The following KIRREL3 variants were observed in gnomAD, a reference collection of about 807,000 sequenced individuals.
KIRREL3 encodes the protein kin of IRRE-like protein 3.
KIRREL3 carries 36 observed loss-of-function variants against 89.7 expected under a neutral mutation model. That is an observed-to-expected ratio of 0.40 (90% CI 0.31 to 0.53). KIRREL3 has a LOEUF of 0.53. Among genes scored for constraint, KIRREL3 ranks in the 20% least tolerant of loss-of-function variants. The pLI, the probability that KIRREL3 is intolerant of heterozygous loss-of-function variation, is 0.49. For synonymous variants in KIRREL3, 445 were observed against 441.4 expected (o/e 1.01, Z -0.10); for missense variants, 864 against 1,056.6 (o/e 0.82, Z 2.53).
chr11:126,832,742 T>C (rs1305777376), intron 1 of KIRREL3, among the ~76,000 whole-genome samples: 1 of 152,212 alleles, frequency 6.6e-6, no homozygotes, highest in African/African-American at 2.4e-5. Context: ...AAAGGGTCAG[T>C]GTGGCTCAGG....
At chr11:126,435,690 C>G (rs943282653) in intron 12 of KIRREL3, among the ~76,000 whole-genome samples, 2 of 152,158 alleles carry the variant, frequency 1.3e-5, no homozygotes, top group Non-Finnish European at 2.9e-5. Flanking sequence ...CAAAGCAGCA[C>G]CTATTAGGGA....
chr11:126,815,597 G>A (rs1592166728), intron 1 of KIRREL3, among the ~76,000 whole-genome samples: 1 of 152,080 alleles, frequency 6.6e-6, no homozygotes, highest in Non-Finnish European at 1.5e-5. Context: ...GCAGTGGCGC[G>A]ATCTCGGCTC....
At chr11:126,690,096 CGTCA>C (rs1565652394) in intron 1 of KIRREL3, among the ~76,000 whole-genome samples, 1 of 152,176 alleles carries the variant, frequency 6.6e-6, no homozygotes, top group African/African-American at 2.4e-5. Context: ...GTTTTCCCAG[CGTCA>C]GTCTCTCAAC....
chr11:126,753,434 A>G (rs1949400681), intron 1 of KIRREL3, among the ~76,000 whole-genome samples: 2 of 152,228 alleles, frequency 1.3e-5, no homozygotes, highest in South Asian at 4.1e-4. Context: ...CTTAGGAAAA[A>G]ACAACAAGCA....
intron 1 of KIRREL3, among the ~76,000 whole-genome samples, chr11:126,599,858 G>A (rs1942572749): frequency 6.6e-6 from 1 of 152,136 alleles, no homozygotes. Flanking sequence ...CTAGCATCAG[G>A]GGACTTAACT....
intron 1 of KIRREL3, among the ~76,000 whole-genome samples, chr11:126,847,970 C>T (rs2134550543): frequency 6.6e-6 from 1 of 152,296 alleles, no homozygotes; most frequent in East Asian, 1.9e-4. Flanking sequence ...GGTGTGCTTT[C>T]TTTAAGGAAT....
intron 6 of KIRREL3, among the ~76,000 whole-genome samples, chr11:126,458,484 G>C (rs1956445561): frequency 6.6e-6 from 1 of 152,134 alleles, no homozygotes; most frequent in African/African-American, 2.4e-5. Context: ...TCACATAACT[G>C]CTCAGCTGCC....
chr11:126,469,334 C>T (rs556858728), intron 5 of KIRREL3, among the ~76,000 whole-genome samples: 1 of 152,328 alleles, frequency 6.6e-6, no homozygotes, highest in South Asian at 2.1e-4. Flanking sequence ...GTGTGTGCTC[C>T]CAGCTTCTCT....
In KIRREL3 at chr11:126,628,805, C is replaced by T. The variant is rs533560798; in HGVS notation, c.56-65893G>A. On this transcript the variant is annotated intron_variant, in intron 1 of 16. Transcript: ENST00000525144. The surrounding 1 kb of genome is among the most constrained non-coding windows in gnomAD (Gnocchi z 5.2). ...GAGCCAGGGCCTCGCCTCTACTGCC[C>T]CCTCCGCTCGCTCTGCCTGTGCAGG... Among the ~76,000 whole-genome samples the T allele has an allele frequency of 6.6e-6, 1 of 152,314 alleles. No homozygotes were observed. Among genetic ancestry groups the T allele is most frequent in the South Asian group, 2.1e-4 (1 of 4,832 alleles).
At position 126,750,175 on chromosome 11, in the gene KIRREL3, G is replaced by A. The variant is rs1193112207; in HGVS notation, c.56-187263C>T. ...ACAATCATTGCTACTGAGTCACAGA[G>A]CAGTGAAGCCACCTGCCCAAAGCCA... On this transcript the variant is annotated intron_variant, in intron 1 of 16. Transcript: ENST00000525144. This position sits in a 1 kb window ranked among gnomAD's most constrained non-coding sequence, Gnocchi z 4.2. Among the ~76,000 whole-genome samples the A allele has an allele frequency of 6.6e-6, 1 of 152,224 alleles. No homozygotes were observed. The highest frequency in any genetic ancestry group is 1.9e-4 in the East Asian group (1 of 5,200).
At chr11:126,825,872 T>C (rs1196772804) in intron 1 of KIRREL3, among the ~76,000 whole-genome samples, 1 of 152,202 alleles carries the variant, frequency 6.6e-6, no homozygotes, top group East Asian at 1.9e-4. Flanking sequence ...GCCGAGTTGA[T>C]ACGTTAATCA....
Position 126,802,700 on chromosome 11 carries a change from T to A in KIRREL3, c.55+197755A>T, listed in dbSNP as rs557359069. Among the ~76,000 whole-genome samples the A allele has an allele frequency of 6.6e-6, 1 of 152,362 alleles. No homozygotes were observed. The highest frequency in any genetic ancestry group is 1.9e-4 in the East Asian group (1 of 5,174). ...TGGGCACTGCAACCCTGAATTGGAATAACTGGATAAGTAATTATCCTACTC... is the reference window on the plus strand; with the variant it reads ...TGGGCACTGCAACCCTGAATTGGAAAAACTGGATAAGTAATTATCCTACTC... On this transcript the variant is annotated intron_variant, in intron 1 of 16. Coordinates refer to ENST00000525144, the MANE Select transcript of KIRREL3 (RefSeq NM_032531.4). The surrounding 1 kb of genome is among the most constrained non-coding windows in gnomAD (Gnocchi z 5.2).
chr11:126,947,558 C>T (rs1948653517), intron 1 of KIRREL3, among the ~76,000 whole-genome samples: 1 of 152,126 alleles, frequency 6.6e-6, no homozygotes, highest in Non-Finnish European at 1.5e-5. Flanking sequence ...AGGAAAAGGA[C>T]GAATAGTAAC....
At position 126,429,236 on chromosome 11, in the gene KIRREL3, G is replaced by C; in HGVS notation, c.1749C>G (p.His583Gln). ...CCTCCCGACCAGAGGCTGGTTCCTT[G>C]TGGACAATTTCCACTCGGATATCAT... ...AKNDIRVEIV[H>Q]KEPASGREGE... The change falls in exon 15 of 17, where the codon CAC becomes CAG. Residue 583 changes from histidine to glutamine, a missense_variant. Coordinates refer to ENST00000525144, the MANE Select transcript of KIRREL3 (RefSeq NM_032531.4). This position sits in a 1 kb window ranked among gnomAD's most constrained non-coding sequence, Gnocchi z 5.2. 1.2e-6 allele frequency: 2 copies of C among 1,613,960 alleles called. No homozygotes were observed. The highest frequency in any genetic ancestry group is 1.7e-6 in the Non-Finnish European group (2 of 1,179,852).
At chr11:126,585,513 C>T (rs950050799) in intron 1 of KIRREL3, among the ~76,000 whole-genome samples, 1 of 152,214 alleles carries the variant, frequency 6.6e-6, no homozygotes, top group Non-Finnish European at 1.5e-5. Flanking sequence ...GAATCACAGG[C>T]ATGAGCCACC....
In KIRREL3 at chr11:126,531,479, C is replaced by T. The variant is rs1422462725; in HGVS notation, c.134-4792G>A. The stretch of plus-strand genomic sequence containing the variant: ...CTTCCTGGGAGCTCCACAGCACCCC[C>T]GTGCTGGCTAGTCACTAAGGTCACC... On this transcript the variant is annotated intron_variant, in intron 2 of 16. Transcript: ENST00000525144. This position sits in a 1 kb window ranked among gnomAD's most constrained non-coding sequence, Gnocchi z 4.7. Among the ~76,000 whole-genome samples the T allele has an allele frequency of 3.3e-5, 5 of 152,048 alleles. No individual in the cohort carries two copies. Among genetic ancestry groups the T allele is most frequent in the Non-Finnish European group, 1.5e-5 (1 of 68,004 alleles).
rs1948547433 is a variant in KIRREL3, at chr11:126,729,960, A to G, written c.56-167048T>C. 6.6e-6 allele frequency among the ~76,000 whole-genome samples: 1 copy of G among 151,998 alleles called. No individual in the cohort carries two copies. The highest frequency in any genetic ancestry group is 2.4e-5 in the African/African-American group (1 of 41,326). ...CATTTCTGTGACATTTGGCTCTGTGACGGCTTCCTTCTTCAGGAAACTCTT... is the reference window on the plus strand; with the variant it reads ...CATTTCTGTGACATTTGGCTCTGTGGCGGCTTCCTTCTTCAGGAAACTCTT... On this transcript the variant is annotated intron_variant, in intron 1 of 16. Coordinates refer to ENST00000525144, the MANE Select transcript of KIRREL3 (RefSeq NM_032531.4). This position sits in a 1 kb window ranked among gnomAD's most constrained non-coding sequence, Gnocchi z 4.5.
rs1956263686 is a variant in KIRREL3 at position 126,454,089 on chromosome 11, C to T, written c.848+2260G>A. On this transcript the variant is annotated intron_variant, in intron 7 of 16. Transcript: ENST00000525144. The surrounding 1 kb of genome is among the most constrained non-coding windows in gnomAD (Gnocchi z 5.8). ...GAATAGTCCCATTAACTGCCACCCT[C>T]CCATCGCCCGGATTCACCAGCTGTT... Among the ~76,000 whole-genome samples, 1 of 138,932 alleles carries T rather than the reference C, an allele frequency of 7.2e-6. No individual in the cohort carries two copies. The highest frequency in any genetic ancestry group is 1.6e-5 in the Non-Finnish European group (1 of 60,832). 91.1% of individuals were successfully genotyped at this position (138,932 alleles called of 152,430 possible).
At chr11:126,497,215 TGA>T (rs1242317513) in intron 4 of KIRREL3, among the ~76,000 whole-genome samples, 10 of 112,276 alleles carry the variant, frequency 8.9e-5, no homozygotes, top group African/African-American at 1.9e-4. Context: ...TGTGAGTGTG[TGA>T]GAGTGAGTGT....
Sources: gnomAD v4.1 joint callset for allele counts (sites outside exome capture counted in the v4.1 genomes callset) on GRCh38, gnomAD v4.1.1 for gene constraint, Gnocchi (gnomAD v3.1) non-coding constraint, MANE v1.5 for transcripts, NCBI Gene and HGNC (gene_info 2026-07-23, HGNC 2026-07-21) for gene names.